ZNF341: variants seen among roughly 807,000 people sequenced by gnomAD.
ZNF341 encodes the protein zinc finger protein 341.
A neutral mutation model predicts 87.7 loss-of-function variants in ZNF341; 52 were observed. The observed-to-expected ratio is 0.59, with a 90% CI of 0.47 to 0.75. ZNF341 has a LOEUF of 0.75. Ranked by LOEUF, ZNF341 falls within the 30% of genes least tolerant of loss-of-function variation. ZNF341 has a pLI of 0.00. For missense variants in ZNF341, 977 were observed against 1,145.9 expected, an observed-to-expected ratio of 0.85 and a Z score of 2.13; for synonymous variants, 459 against 472.7, an observed-to-expected ratio of 0.97 and a Z score of 0.38.
In ZNF341 at chr20:33,791,430, C is replaced by T. The variant is rs1451362741; in HGVS notation, c.2478C>T (p.Ser826=). The change falls in exon 15 of 15, where the codon TCC becomes TCT. Residue 826 remains serine (S), a synonymous_variant. Coordinates refer to ENST00000375200, the MANE Select transcript of ZNF341 (RefSeq NM_001282933.2). ...VVPGHAEGLG[S]NLALAELQAG... ...CTGGACACGCTGAGGGGCTGGGCTC[C>T]AACCTGGCTCTGGCGGAGCTGCAGG... The T allele has an allele frequency of 6.2e-7, 1 of 1,610,946 alleles. No homozygotes were observed. Among genetic ancestry groups the T allele is most frequent in the African/African-American group, 1.3e-5 (1 of 75,052 alleles).
chr20:33,774,616 G>C (rs1401578887), intron 10 of ZNF341, among the ~76,000 whole-genome samples: 1 of 152,172 alleles, frequency 6.6e-6, no homozygotes, highest in African/African-American at 2.4e-5. Context: ...CCAACAAACA[G>C]ACTGATTTAA....
At chr20:33,744,400 G>C (rs998521750) in intron 2 of ZNF341, among the ~76,000 whole-genome samples, 1 of 152,128 alleles carries the variant, frequency 6.6e-6, no homozygotes, top group Non-Finnish European at 1.5e-5. Flanking sequence ...AGGCAGCCTG[G>C]CAGGGCGAAC....
chr20:33,735,471 A>AG (rs1445146814), intron 1 of ZNF341, among the ~76,000 whole-genome samples: 1 of 152,128 alleles, frequency 6.6e-6, no homozygotes, highest in Non-Finnish European at 1.5e-5. Flanking sequence ...GGTGCGTGCC[A>AG]GGACACCCAG....
chr20:33,757,838 G>A (rs923021360), intron 6 of ZNF341, among the ~76,000 whole-genome samples: 4 of 152,228 alleles, frequency 2.6e-5, no homozygotes, highest in African/African-American at 9.6e-5. Context: ...TTTGGCTAGG[G>A]ACATTGATAT....
intron 8 of ZNF341, 137 bp from the exon 9 acceptor site, chr20:33,766,714 A>G: frequency 1.2e-6 from 1 of 863,686 alleles, no homozygotes; most frequent in Non-Finnish European, 1.8e-6. Flanking sequence ...GTGTGAGTGC[A>G]GCACCTTAAG....
intron 1 of ZNF341, among the ~76,000 whole-genome samples, chr20:33,736,493 A>G (rs2018687829): frequency 6.6e-6 from 1 of 152,178 alleles, no homozygotes; most frequent in Non-Finnish European, 1.5e-5. Flanking sequence ...TCACCTGGGC[A>G]ACATGGGGAG....
At chr20:33,764,573 T>A (rs1426063928) in intron 8 of ZNF341, among the ~76,000 whole-genome samples, 63 of 79,544 alleles carry the variant, frequency 7.9e-4, no homozygotes, top group East Asian at 2.5e-3. Flanking sequence ...TTTTTTTTTT[T>A]TTTTTTTTTT....
rs909322961 is a variant in ZNF341, at chr20:33,747,537, C to T, written c.340-1386C>T. The stretch of plus-strand genomic sequence containing the variant: ...GGCTGAGGCAGGAGAATGGCGTGGA[C>T]CCGGGAGGCGGAGCTTGCAGTGAGC... On this transcript the variant is annotated intron_variant, in intron 3 of 14. Transcript: ENST00000375200. 5.8e-4 allele frequency among the ~76,000 whole-genome samples: 76 copies of T among 131,340 alleles called. 3 individuals are homozygous for T. Among genetic ancestry groups the T allele is most frequent in the African/African-American group, 2.0e-3 (54 of 26,598 alleles). 86.2% of individuals were successfully genotyped at this position (131,340 alleles called of 152,430 possible).
rs373662447 is a variant in ZNF341, at chr20:33,757,250, A to G, written c.844A>G (p.Met282Val). Residue 282 changes from methionine to valine, a missense_variant, in exon 6 of 15, where the codon ATG (methionine) becomes GTG (valine). Coordinates refer to ENST00000375200, the MANE Select transcript of ZNF341 (RefSeq NM_001282933.2). ...KPKGPNPAAP[M>V]TSATGGTVAT... ...CAAAGGACCAAACCCCGCCGCCCCC[A>G]TGACCAGCGCCACCGGGGGCACGGT... 76 of 1,606,136 alleles carry G rather than the reference A, an allele frequency of 4.7e-5. No individual in the cohort carries two copies. The highest frequency in any genetic ancestry group is 5.9e-5 in the Non-Finnish European group (70 of 1,176,958).
rs555150429 is a variant in ZNF341, at chr20:33,767,035, T to C, written c.1407T>C (p.Asn469=). Residue 469 remains asparagine (N), a synonymous_variant, in exon 9 of 15, where the codon AAT becomes AAC. Transcript: ENST00000375200. ...AGTCTCACATGACCCAGCATAAGAATGAGCAGGTAGGTGGATGGTGGCAGC... is the reference window on the plus strand; with the variant it reads ...AGTCTCACATGACCCAGCATAAGAACGAGCAGGTAGGTGGATGGTGGCAGC... ...QLKSHMTQHK[N]EQVYKCVVKS... 8.0e-5 allele frequency: 129 copies of C among 1,612,038 alleles called. 1 individual carries two copies. In the South Asian group the frequency reaches 1.1e-3, roughly 14 times the overall value.
intron 12 of ZNF341, chr20:33,788,458 T>G (rs1027219955): frequency 4.3e-6 from 1 of 231,126 alleles, no homozygotes; most frequent in Non-Finnish European, 8.8e-6. Context: ...AGTCCTTAGC[T>G]CTGCCTCCCA....
intron 5 of ZNF341, 116 bp downstream of exon 5, chr20:33,753,539 C>A (rs1274658517): frequency 5.8e-6 from 8 of 1,370,426 alleles, no homozygotes; most frequent in Non-Finnish European, 4.8e-6. Flanking sequence ...CCATGAAAAC[C>A]AGACCCGGTC....
At chr20:33,774,448 C>T (rs189590114) in intron 10 of ZNF341, among the ~76,000 whole-genome samples, 105 of 152,138 alleles carry the variant, frequency 6.9e-4, no homozygotes, top group African/African-American at 1.9e-3. Flanking sequence ...CACTATTAAC[C>T]TCTTGGTGGA....
chr20:33,768,266 G>C (rs964393245), intron 9 of ZNF341, among the ~76,000 whole-genome samples: 2 of 151,560 alleles, frequency 1.3e-5, no homozygotes, highest in African/African-American at 4.9e-5. Flanking sequence ...GGGATTACAG[G>C]TGCCCCCCAC....
chr20:33,756,356 TTCTC>T lies in ZNF341; in HGVS notation c.742-782_742-779del, dbSNP rs1483750172. On this transcript the variant is annotated intron_variant, in intron 5 of 14. Transcript: ENST00000375200. ...AGCACAGACCCCTCTGACTTCCTGG[TTCTC>T]TCTCTCTCTTTTTTTTTTTTTTTTG... Among the ~76,000 whole-genome samples, 10 of 146,748 alleles carry T rather than the reference TTCTC, an allele frequency of 6.8e-5. No individual in the cohort carries two copies. In the South Asian group the frequency reaches 8.8e-4, roughly 13 times the overall value.
chr20:33,783,823 G>A lies in ZNF341; in HGVS notation c.1811G>A (p.Arg604Gln), dbSNP rs751996184. The change falls in exon 12 of 15, where the codon CGG (arginine) becomes CAG (glutamine). Residue 604 changes from arginine to glutamine, a missense_variant. This residue lies in a region of ZNF341 where 241 missense variants were observed against 335.0 expected (regional missense o/e 0.72). Transcript: ENST00000375200. The stretch of plus-strand genomic sequence containing the variant: ...TGCCAAGTGTGCAAGAAGTTCTTCC[G>A]GCGGGAGCATTATCTCAAACTGCAT... ...FKCQVCKKFF[R>Q]REHYLKLHAH... 17 of 1,613,560 alleles carry A rather than the reference G, an allele frequency of 1.1e-5. No individual in the cohort carries two copies. The highest frequency in any genetic ancestry group is 2.7e-5 in the African/African-American group (2 of 74,790).
intron 6 of ZNF341, 127 bp downstream of exon 6, chr20:33,757,470 A>C: frequency 2.5e-6 from 2 of 810,914 alleles, no homozygotes; most frequent in Non-Finnish European, 3.5e-6. Flanking sequence ...CAAAATATCA[A>C]TGACTTCAAA....
In ZNF341 at chr20:33,791,497, T is replaced by C; in HGVS notation, c.2545T>C (p.Tyr849His). The C allele has an allele frequency of 2.5e-6, 4 of 1,571,318 alleles. No homozygotes were observed. The highest frequency in any genetic ancestry group is 3.4e-6 in the Non-Finnish European group (4 of 1,161,198). Residue 849 changes from tyrosine (Y) to histidine (H), a missense_variant, in exon 15 of 15, where the codon TAC (tyrosine) becomes CAC (histidine). Transcript: ENST00000375200. ...GPCAMLAVPV[Y>H]IQASE ...ATGTGCCATGCTCGCTGTGCCCGTCTACATCCAGGCCTCCGAGTGACGGAC... is the reference window on the plus strand; with the variant it reads ...ATGTGCCATGCTCGCTGTGCCCGTCCACATCCAGGCCTCCGAGTGACGGAC...
At chr20:33,762,785 G>A (rs1278424554) in intron 8 of ZNF341, among the ~76,000 whole-genome samples, 1 of 152,104 alleles carries the variant, frequency 6.6e-6, no homozygotes, top group Admixed American at 6.6e-5. Flanking sequence ...AACATACGGT[G>A]TTTGGTTTTC....
Sources: allele counts gnomAD v4.1 joint callset (sites outside exome capture counted in the v4.1 genomes callset), GRCh38; gene constraint gnomAD v4.1.1; regional missense constraint gnomAD v4.1.1; transcripts MANE v1.5; gene names NCBI Gene and HGNC (gene_info 2026-07-23, HGNC 2026-07-21).